Variants in CLCN3 observed in about 807,000 individuals in gnomAD.
CLCN3 encodes Cl-/H+ antiporter 3.
CLCN3 carries 16 observed loss-of-function variants against 83.4 expected under a neutral mutation model. The observed-to-expected ratio is 0.19, with a 90% CI of 0.13 to 0.29. The LOEUF is 0.29. Ranked by LOEUF, CLCN3 falls within the 10% of genes least tolerant of loss-of-function variation. The pLI is 1.00. For missense variants in CLCN3, 544 were observed against 1,006.0 expected, an observed-to-expected ratio of 0.54 and a Z score of 6.21; for synonymous variants, 322 against 346.2, an observed-to-expected ratio of 0.93 and a Z score of 0.78.
intron 1 of CLCN3, among the ~76,000 whole-genome samples, chr4:169,632,590 G>C (rs1388502679): frequency 2.6e-5 from 4 of 151,806 alleles, no homozygotes; most frequent in Non-Finnish European, 4.4e-5. Flanking sequence ...AGTGGCGGGC[G>C]CCTGTAGTCC....
intron 12 of CLCN3, among the ~76,000 whole-genome samples, chr4:169,715,663 G>A (rs1401058053): frequency 6.6e-6 from 1 of 152,086 alleles, no homozygotes; most frequent in Non-Finnish European, 1.5e-5. Flanking sequence ...GGAACCTTAG[G>A]TGCAAGGAGA....
rs142417848 is a variant in CLCN3, at chr4:169,697,452, C to T, written c.1281C>T (p.Pro427=). The change falls in exon 9 of 13, where the codon CCC becomes CCT. Residue 427 remains proline (P), a synonymous_variant. Coordinates refer to ENST00000513761, the MANE Select transcript of CLCN3 (RefSeq NM_001829.4). ...AGTCCACGAAATTTGGAAAGTATCC[C>T]GTTCTGGAAGTCATTATTGTTGCAG... ...RRKSTKFGKY[P]VLEVIIVAAI... 3.4e-5 allele frequency: 55 copies of T among 1,614,062 alleles called. No homozygotes were observed. Among genetic ancestry groups the T allele is most frequent in the African/African-American group, 4.0e-5 (3 of 74,906 alleles).
At chr4:169,656,954 A>G (rs1282089558) in intron 2 of CLCN3, among the ~76,000 whole-genome samples, 1 of 152,174 alleles carries the variant, frequency 6.6e-6, no homozygotes, top group East Asian at 1.9e-4. Context: ...AATAATAAAT[A>G]CAAATAAAAA....
intron 6 of CLCN3, 131 bp from the exon 7 acceptor site, chr4:169,691,983 C>A (rs1329171073): frequency 1.7e-6 from 1 of 583,228 alleles, no homozygotes; most frequent in Admixed American, 3.1e-5. Context: ...GAAAAATTAA[C>A]TGTAAATTTT....
chr4:169,687,356 A>C (rs975435365), intron 3 of CLCN3, among the ~76,000 whole-genome samples: 1 of 152,138 alleles, frequency 6.6e-6, no homozygotes, highest in Non-Finnish European at 1.5e-5. Context: ...CAAGGCAGGT[A>C]GATCATTTGA....
chr4:169,698,420 G>T (rs750561797), intron 9 of CLCN3, among the ~76,000 whole-genome samples: 1 of 151,836 alleles, frequency 6.6e-6, no homozygotes, highest in African/African-American at 2.4e-5. Flanking sequence ...TCTTTCTCTC[G>T]CTTCCTTTTT....
At chr4:169,630,735 G>T (rs1329886085) in intron 1 of CLCN3, among the ~76,000 whole-genome samples, 3 of 152,044 alleles carry the variant, frequency 2.0e-5, no homozygotes, top group Non-Finnish European at 2.9e-5. Context: ...CACCATGTTG[G>T]CCAGGTTGGT....
intron 1 of CLCN3, among the ~76,000 whole-genome samples, chr4:169,624,317 A>G (rs1773176915): frequency 1.3e-5 from 2 of 152,168 alleles, no homozygotes; most frequent in South Asian, 4.1e-4. Flanking sequence ...TCTTTTTAGC[A>G]GAGACAAGGT....
chr4:169,632,831 AAG>A (rs754181405), intron 1 of CLCN3, among the ~76,000 whole-genome samples: 6 of 151,800 alleles, frequency 4.0e-5, no homozygotes, highest in Admixed American at 1.3e-4. Flanking sequence ...GGAAATGATT[AAG>A]AGATGTTAAC....
At position 169,704,053 on chromosome 4, in the gene CLCN3, T is replaced by C; in HGVS notation, c.1619T>C (p.Ile540Thr). The C allele has an allele frequency of 1.2e-6, 2 of 1,614,046 alleles. No individual in the cohort carries two copies. The highest frequency in any genetic ancestry group is 1.7e-6 in the Non-Finnish European group (2 of 1,179,984). The stretch of plus-strand genomic sequence containing the variant: ...GCCATTGGAGCGATCGCAGGAAGGA[T>C]TGTGGGGATTGCGGTGGAGCAGCTT... The part of the protein sequence containing the change: ...SMAIGAIAGR[I>T]VGIAVEQLAY... Residue 540 changes from isoleucine (I) to threonine (T), a missense_variant, in exon 10 of 13, where the codon ATT (isoleucine) becomes ACT (threonine). By Grantham distance (89) the Ile-to-Thr change is moderately conservative. Transcript: ENST00000513761.
At chr4:169,677,546 C>T (rs577414558) in intron 2 of CLCN3, among the ~76,000 whole-genome samples, 1 of 152,278 alleles carries the variant, frequency 6.6e-6, no homozygotes, top group Admixed American at 6.5e-5. Flanking sequence ...TTCTATAGCA[C>T]ACAGTAAGAT....
rs745499710 is a variant in CLCN3, at chr4:169,697,538, T to C, written c.1367T>C (p.Ile456Thr). ...ACTAGGCTAAACACCAGTGAACTGA[T>C]CAAAGAGCTTTTTACAGACTGTGGT... Reference protein sequence around the residue: ...PYTRLNTSELIKELFTDCGPL... With the variant: ...PYTRLNTSELTKELFTDCGPL... The change falls in exon 9 of 13, where the codon ATC (isoleucine) becomes ACC (threonine). Residue 456 changes from isoleucine (I) to threonine (T), a missense_variant. Coordinates refer to ENST00000513761, the MANE Select transcript of CLCN3 (RefSeq NM_001829.4). 1.2e-6 allele frequency: 2 copies of C among 1,614,200 alleles called. No homozygotes were observed. The highest frequency in any genetic ancestry group is 1.7e-6 in the Non-Finnish European group (2 of 1,180,026).
chr4:169,654,579 A>G (rs954518530), intron 2 of CLCN3, among the ~76,000 whole-genome samples: 1 of 152,108 alleles, frequency 6.6e-6, no homozygotes, highest in African/African-American at 2.4e-5. Flanking sequence ...CTATTTAAAA[A>G]TCATTTTTAA....
intron 2 of CLCN3, among the ~76,000 whole-genome samples, chr4:169,647,912 A>G (rs571100721): frequency 2.0e-4 from 30 of 152,358 alleles, no homozygotes; most frequent in African/African-American, 7.2e-4. Flanking sequence ...GAGATAAATC[A>G]TAGATATCAT....
intron 1 of CLCN3, among the ~76,000 whole-genome samples, chr4:169,624,854 C>T (rs747543121): frequency 2.5e-4 from 38 of 152,136 alleles, no homozygotes; most frequent in Non-Finnish European, 5.6e-4. Flanking sequence ...TGCAGTGGCG[C>T]GATCTCAGCT....
chr4:169,664,157 G>T (rs1731163512), intron 2 of CLCN3, among the ~76,000 whole-genome samples: 1 of 152,216 alleles, frequency 6.6e-6, no homozygotes, highest in South Asian at 2.1e-4. Context: ...AGTAGAGAGG[G>T]TAGTGTAGAA....
chr4:169,658,094 A>C (rs965217163), intron 2 of CLCN3, among the ~76,000 whole-genome samples: 1 of 152,100 alleles, frequency 6.6e-6, no homozygotes, highest in Non-Finnish European at 1.5e-5. Context: ...TTACAAAAGT[A>C]ATATATTTGT....
rs1056489237 is a variant in CLCN3 at position 169,672,328 on chromosome 4, C to T, written c.161-7722C>T. Among the ~76,000 whole-genome samples, 16 of 151,928 alleles carry T rather than the reference C, an allele frequency of 1.1e-4. 1 individual carries two copies. Among genetic ancestry groups the T allele is most frequent in the Non-Finnish European group, 2.9e-5 (2 of 67,990 alleles). On this transcript the variant is annotated intron_variant, in intron 2 of 12. Coordinates refer to ENST00000513761, the MANE Select transcript of CLCN3 (RefSeq NM_001829.4). ...ATAATTTTTGTATTTTTAATGAAGTCGGGGATTCACCATGTTAGCCAGTTT... is the reference window on the plus strand; with the variant it reads ...ATAATTTTTGTATTTTTAATGAAGTTGGGGATTCACCATGTTAGCCAGTTT...
intron 12 of CLCN3, among the ~76,000 whole-genome samples, chr4:169,713,601 GA>G (rs1310528005): frequency 6.6e-6 from 1 of 152,182 alleles, no homozygotes; most frequent in African/African-American, 2.4e-5. Flanking sequence ...TTTTCCTAGG[GA>G]AGAGTGGACC....
Sources: allele counts gnomAD v4.1 joint callset (sites outside exome capture counted in the v4.1 genomes callset), GRCh38; gene constraint gnomAD v4.1.1; transcripts MANE v1.5; gene names NCBI Gene and HGNC (gene_info 2026-07-23, HGNC 2026-07-21).